CDC73: variants seen among roughly 807,000 people sequenced by gnomAD.
CDC73 encodes the protein parafibromin.
In CDC73, 21 loss-of-function variants were observed where a neutral mutation model predicts 83.7. The ratio of observed to expected loss-of-function variants is 0.25; its 90% confidence interval spans 0.18 to 0.36. The LOEUF is 0.36. CDC73 is among the 10% of genes least tolerant of loss of function. The pLI, the probability that CDC73 is intolerant of heterozygous loss-of-function variation, is 1.00. For missense variants in CDC73, 342 were observed against 653.3 expected, an observed-to-expected ratio of 0.52 and a Z score of 5.19; for synonymous variants, 224 against 212.9, an observed-to-expected ratio of 1.05 and a Z score of -0.45.
chr1:193,172,958 T>G (rs1181016926), intron 10 of CDC73, among the ~76,000 whole-genome samples: 1 of 152,140 alleles, frequency 6.6e-6, no homozygotes, highest in Admixed American at 6.5e-5. Flanking sequence ...TAAGATAGAG[T>G]ACATAGTCAA....
At chr1:193,205,509 A>G (rs1002124028) in intron 11 of CDC73, among the ~76,000 whole-genome samples, 9 of 152,188 alleles carry the variant, frequency 5.9e-5, no homozygotes, top group African/African-American at 2.2e-4. Flanking sequence ...AGATGTGGCT[A>G]GTATTTCCTT....
intron 16 of CDC73, 98 bp downstream of exon 16, chr1:193,249,969 A>G (rs1484648237): frequency 9.0e-6 from 10 of 1,107,152 alleles, no homozygotes; most frequent in Admixed American, 3.5e-5. Flanking sequence ...CTTATTCCCT[A>G]ATTCCCTTCT....
chr1:193,150,244 A>G (rs976460149), intron 8 of CDC73, 60 bp from the exon 9 acceptor site: 1 of 1,215,628 alleles, frequency 8.2e-7, no homozygotes, highest in African/African-American at 1.5e-5. Flanking sequence ...GCACTCCAGC[A>G]CATTAAATAA....
At chr1:193,185,382 C>A (rs10801187) in intron 10 of CDC73, among the ~76,000 whole-genome samples, 92,793 of 151,780 alleles carry the variant, frequency 0.61, 29,045 homozygotes, top group South Asian at 0.77. Context: ...CATAAACTCA[C>A]ACTACCTTAT....
chr1:193,139,919 A>T (rs1190856020), intron 6 of CDC73, among the ~76,000 whole-genome samples: 2 of 152,174 alleles, frequency 1.3e-5, no homozygotes, highest in Non-Finnish European at 2.9e-5. Flanking sequence ...TATTCTGTCT[A>T]ATTCACTTGG....
chr1:193,226,530 G>C (rs546920900), intron 13 of CDC73, among the ~76,000 whole-genome samples: 2 of 152,116 alleles, frequency 1.3e-5, no homozygotes, highest in African/African-American at 2.4e-5. Flanking sequence ...AATCATAAAG[G>C]GATGCTAGAT....
intron 11 of CDC73, among the ~76,000 whole-genome samples, chr1:193,204,296 T>TTC (rs1289482562): frequency 6.8e-6 from 1 of 147,930 alleles, no homozygotes; most frequent in African/African-American, 2.5e-5. Context: ...TATTTTTTTT[T>TTC]TTTCTTTTTT....
chr1:193,160,923 G>C (rs1676297460), intron 10 of CDC73, among the ~76,000 whole-genome samples: 3 of 151,876 alleles, frequency 2.0e-5, no homozygotes, highest in Admixed American at 1.3e-4. Flanking sequence ...CAATTTCTCG[G>C]TCTTTGTAAA....
intron 2 of CDC73, among the ~76,000 whole-genome samples, chr1:193,127,147 A>G (rs534285532): frequency 1.3e-5 from 2 of 151,886 alleles, no homozygotes; most frequent in Non-Finnish European, 2.9e-5. Flanking sequence ...GTGTGCACCT[A>G]TACTCCCAGC....
chr1:193,135,336 A>G, intron 3 of CDC73, 55 bp from the exon 4 acceptor site: 1 of 1,337,602 alleles, frequency 7.5e-7, no homozygotes, highest in Non-Finnish European at 1.1e-6. Context: ...TTGTAATAAT[A>G]TCCAATATAT....
Position 193,128,104 on chromosome 1 carries a change from A to G in CDC73, c.238-2070A>G, listed in dbSNP as rs970921826. ...GCGTCCGGCTGAGCAGACCACTCTGAAAACAGATTCCTGATCCTTAGTTCC... is the reference window on the plus strand; with the variant it reads ...GCGTCCGGCTGAGCAGACCACTCTGGAAACAGATTCCTGATCCTTAGTTCC... On this transcript the variant is annotated intron_variant, in intron 2 of 16. Coordinates refer to ENST00000367435, the MANE Select transcript of CDC73 (RefSeq NM_024529.5). 2.6e-5 allele frequency: 4 copies of G among 152,140 alleles called. 1 individual carries two copies. The highest frequency in any genetic ancestry group is 2.6e-4 in the Admixed American group (4 of 15,274). 9.4% of individuals were successfully genotyped at this position (152,140 alleles called of 1,614,324 possible).
In CDC73 at chr1:193,250,721, G is replaced by T; in HGVS notation, c.*9G>T. On this transcript the variant is annotated 3_prime_UTR_variant, in exon 17 of 17. Transcript: ENST00000367435. ...CGCACTTGAGATTCTGAATTATTTG[G>T]CTCCTCCATTTCTGGAAATTGAGAC... is the stretch of plus-strand genomic sequence containing the variant. The T allele has an allele frequency of 1.9e-6, 3 of 1,606,158 alleles. No homozygotes were observed. The highest frequency in any genetic ancestry group is 2.6e-6 in the Non-Finnish European group (3 of 1,173,698).
At chr1:193,142,469 A>G (rs1253174642) in intron 7 of CDC73, among the ~76,000 whole-genome samples, 1 of 152,162 alleles carries the variant, frequency 6.6e-6, no homozygotes, top group Non-Finnish European at 1.5e-5. Context: ...TCTGTAGCAA[A>G]CATTTATTGA....
intron 15 of CDC73, among the ~76,000 whole-genome samples, chr1:193,246,690 A>G (rs1377100694): frequency 1.3e-5 from 2 of 152,076 alleles, no homozygotes; most frequent in Non-Finnish European, 2.9e-5. Context: ...CCACCCATAT[A>G]TATTCTGTTC....
intron 7 of CDC73, among the ~76,000 whole-genome samples, chr1:193,147,399 G>A (rs1419727741): frequency 1.4e-5 from 2 of 144,956 alleles, no homozygotes; most frequent in African/African-American, 5.2e-5. Flanking sequence ...ATGGAGTCTC[G>A]TTCTATTGCC....
At chr1:193,162,694 T>G (rs1239957388) in intron 10 of CDC73, among the ~76,000 whole-genome samples, 2 of 152,054 alleles carry the variant, frequency 1.3e-5, no homozygotes, top group African/African-American at 4.8e-5. Flanking sequence ...CACATTACAA[T>G]TAAAATTGAT....
chr1:193,150,693 G>A (rs1464171333), intron 9 of CDC73, among the ~76,000 whole-genome samples: 1 of 152,154 alleles, frequency 6.6e-6, no homozygotes, highest in South Asian at 2.1e-4. Flanking sequence ...CTGGTTAATA[G>A]CATGGATTCT....
chr1:193,219,914 T>A (rs1040756780), intron 13 of CDC73, among the ~76,000 whole-genome samples: 2 of 152,164 alleles, frequency 1.3e-5, no homozygotes, highest in Non-Finnish European at 2.9e-5. Context: ...GAAATTGGGT[T>A]TTATTCTGGT....
At chr1:193,146,462 T>TGGCAGAA (rs1234312968) in intron 7 of CDC73, among the ~76,000 whole-genome samples, 1 of 150,700 alleles carries the variant, frequency 6.6e-6, no homozygotes, top group Non-Finnish European at 1.5e-5. Context: ...GGTCATTTCA[T>TGGCAGAA]GGCAGAAGGC....
Sources: allele counts gnomAD v4.1 joint callset (sites outside exome capture counted in the v4.1 genomes callset), GRCh38; gene constraint gnomAD v4.1.1; transcripts MANE v1.5; gene names NCBI Gene and HGNC (gene_info 2026-07-23, HGNC 2026-07-21).